The following PRDM2 variants were observed in gnomAD, a reference collection of about 807,000 sequenced individuals.
The protein encoded by PRDM2 is PR domain zinc finger protein 2.
In PRDM2, 30 loss-of-function variants were observed where a neutral mutation model predicts 130.0. That is an observed-to-expected ratio of 0.23 (90% confidence interval 0.17 to 0.31). PRDM2 has a LOEUF of 0.31. Among genes scored for constraint, PRDM2 ranks in the 10% least tolerant of loss-of-function variants. The pLI, the probability that PRDM2 is intolerant of heterozygous loss-of-function variation, is 1.00. For synonymous variants in PRDM2, 871 were observed against 782.4 expected (o/e 1.11, Z -1.89); for missense variants, 2,011 against 2,108.4 (o/e 0.95, Z 0.90).
chr1:13,787,068 C>T (rs866852225), intron 8 of PRDM2: 2 of 985,150 alleles, frequency 2.0e-6, no homozygotes, highest in Admixed American at 6.2e-5. Flanking sequence ...TTGTTGTTTT[C>T]GTTTTTTTAA....
intron 1 of PRDM2, among the ~76,000 whole-genome samples, chr1:13,711,129 A>G (rs1642358035): frequency 6.6e-6 from 1 of 151,140 alleles, no homozygotes; most frequent in Non-Finnish European, 1.5e-5. Context: ...CTAAGGTTTC[A>G]GTGATACGCT....
At position 13,778,824 on chromosome 1, in the gene PRDM2, C is replaced by A. The variant is rs764182914; in HGVS notation, c.1029C>A (p.Ile343=). 6.2e-7 allele frequency: 1 copy of A among 1,614,140 alleles called. No individual in the cohort carries two copies. The highest frequency in any genetic ancestry group is 8.5e-7 in the Non-Finnish European group (1 of 1,180,020). ...DCSEVTPAMQ[I]PRTKEEANGD... ...CAGAGGTAACACCTGCCATGCAAAT[C>A]CCCAGAACTAAAGAAGAGGCCAATG... The change falls in exon 8 of 10, where the codon ATC becomes ATA. Residue 343 remains isoleucine, a synonymous_variant. Coordinates refer to ENST00000311066, the MANE Select transcript of PRDM2 (RefSeq NM_001393986.1).
At chr1:13,750,875 T>C (rs1018020560) in intron 6 of PRDM2, among the ~76,000 whole-genome samples, 3 of 152,166 alleles carry the variant, frequency 2.0e-5, no homozygotes, top group African/African-American at 7.2e-5. Context: ...GTAATTCAAC[T>C]TGTTTCTTTA....
At chr1:13,769,487 G>T (rs940868884) in intron 6 of PRDM2, among the ~76,000 whole-genome samples, 1 of 152,112 alleles carries the variant, frequency 6.6e-6, no homozygotes, top group Non-Finnish European at 1.5e-5. Flanking sequence ...CCCCTCTGGC[G>T]CTGGCCTTCA....
At chr1:13,796,534 T>C (rs1644925097) in intron 8 of PRDM2, among the ~76,000 whole-genome samples, 1 of 152,094 alleles carries the variant, frequency 6.6e-6, no homozygotes, top group Non-Finnish European at 1.5e-5. Context: ...GGCGGGAGGA[T>C]CATTTGAACT....
intron 6 of PRDM2, among the ~76,000 whole-genome samples, chr1:13,762,581 C>T (rs1459141814): frequency 6.6e-6 from 1 of 152,180 alleles, no homozygotes; most frequent in East Asian, 1.9e-4. Flanking sequence ...AGCCTTCCTC[C>T]CAGGCTCAGT....
At chr1:13,810,294 T>TTTCCCGC (rs1490569191) in intron 8 of PRDM2, among the ~76,000 whole-genome samples, 2 of 152,198 alleles carry the variant, frequency 1.3e-5, no homozygotes, top group Non-Finnish European at 2.9e-5. Flanking sequence ...CTTGCCCTCC[T>TTTCCCGC]TTCCCGCTTC....
At chr1:13,762,033 C>T (rs566353903) in intron 6 of PRDM2, among the ~76,000 whole-genome samples, 1 of 152,352 alleles carries the variant, frequency 6.6e-6, no homozygotes, top group South Asian at 2.1e-4. Context: ...CATATGCCGA[C>T]AATTTAGATT....
At chr1:13,799,013 C>T (rs1392332704) in intron 8 of PRDM2, among the ~76,000 whole-genome samples, 1 of 152,174 alleles carries the variant, frequency 6.6e-6, no homozygotes, top group Non-Finnish European at 1.5e-5. Context: ...TGAGTCAGAG[C>T]TGCTGGGTAA....
Position 13,809,369 on chromosome 1 carries a change from G to A in PRDM2, c.5037-7058G>A, listed in dbSNP as rs75256330. Among the ~76,000 whole-genome samples, 971 of 152,314 alleles carry A rather than the reference G, an allele frequency of 6.4e-3. 3 individuals carry two copies. Among genetic ancestry groups the A allele is most frequent in the Non-Finnish European group, 1.0e-2 (680 of 68,030 alleles). On this transcript the variant is annotated intron_variant, in intron 8 of 9. Coordinates refer to ENST00000311066, the MANE Select transcript of PRDM2 (RefSeq NM_001393986.1). Reference sequence around the variant, plus strand: ...CGAGAGGTGGTCCCCGACAGTGGTAGAAGAGGAAGGAAGGCGGACTCGATG... The same window carrying A: ...CGAGAGGTGGTCCCCGACAGTGGTAAAAGAGGAAGGAAGGCGGACTCGATG...
At chr1:13,709,246 C>CA in intron 1 of PRDM2, among the ~76,000 whole-genome samples, 1 of 151,062 alleles carries the variant, frequency 6.6e-6, no homozygotes, top group East Asian at 1.9e-4. Flanking sequence ...ATTCAAGGAA[C>CA]AAATTAAATT....
intron 1 of PRDM2, among the ~76,000 whole-genome samples, chr1:13,711,889 T>C (rs1023709194): frequency 6.6e-6 from 1 of 152,132 alleles, no homozygotes; most frequent in Non-Finnish European, 1.5e-5. Flanking sequence ...TGATCTTTCT[T>C]TTCTCTGGAA....
chr1:13,758,936 A>G (rs12742696), intron 6 of PRDM2, among the ~76,000 whole-genome samples: 1 of 152,192 alleles, frequency 6.6e-6, no homozygotes, highest in African/African-American at 2.4e-5. Context: ...TATAAAAATA[A>G]CAGTTTATAA....
At position 13,779,721 on chromosome 1, in the gene PRDM2, G is replaced by A. The variant is rs773247554; in HGVS notation, c.1926G>A (p.Ala642=). ...GTGAGGCCAAGAAGCGGAGAACTGCGAGCCCACCTGCACTGCCCAAAATTA... is the reference window on the plus strand; with the variant it reads ...GTGAGGCCAAGAAGCGGAGAACTGCAAGCCCACCTGCACTGCCCAAAATTA... ...TNSEAKKRRT[A]SPPALPKIKA... The change falls in exon 8 of 10, where the codon GCG becomes GCA. Residue 642 remains alanine, a synonymous_variant. Coordinates refer to ENST00000311066, the MANE Select transcript of PRDM2 (RefSeq NM_001393986.1). The surrounding 1 kb of genome is among the most constrained non-coding windows in gnomAD (Gnocchi z 4.9). 5.6e-6 allele frequency: 9 copies of A among 1,613,880 alleles called. No individual in the cohort carries two copies. Among genetic ancestry groups the A allele is most frequent in the Non-Finnish European group, 5.1e-6 (6 of 1,180,026 alleles).
At chr1:13,816,243 C>T (rs918949587) in intron 8 of PRDM2, among the ~76,000 whole-genome samples, 184 bp from the exon 9 acceptor site, 2 of 152,156 alleles carry the variant, frequency 1.3e-5, no homozygotes, top group Admixed American at 1.3e-4. Flanking sequence ...GAGAAGTGCA[C>T]ATTGGTGGTT....
Position 13,803,728 on chromosome 1 carries a change from C to T in PRDM2, c.5037-12699C>T, listed in dbSNP as rs975646534. ...TTCCCCGCGGGCAGGTTCTCCGGGC[C>T]GAGGTCACTGCAGGCCAGGCCGGGC... On this transcript the variant is annotated intron_variant, in intron 8 of 9. Coordinates refer to ENST00000311066, the MANE Select transcript of PRDM2 (RefSeq NM_001393986.1). This position sits in a 1 kb window ranked among gnomAD's most constrained non-coding sequence, Gnocchi z 6.2. Among the ~76,000 whole-genome samples, 7 of 152,194 alleles carry T rather than the reference C, an allele frequency of 4.6e-5. No individual in the cohort carries two copies. The highest frequency in any genetic ancestry group is 1.4e-4 in the African/African-American group (6 of 41,450).
At chr1:13,792,844 G>A (rs11581840) in intron 8 of PRDM2, among the ~76,000 whole-genome samples, 7,902 of 152,214 alleles carry the variant, frequency 0.052, 294 homozygotes, top group Middle Eastern at 0.15. Context: ...CACATCTGAC[G>A]GAGATGGTAT....
chr1:13,769,815 C>T (rs1644317035), intron 6 of PRDM2, among the ~76,000 whole-genome samples: 1 of 152,110 alleles, frequency 6.6e-6, no homozygotes. Context: ...CATGTATAGA[C>T]CGTCGAGTGT....
chr1:13,778,579 G>C lies in PRDM2; in HGVS notation c.784G>C (p.Glu262Gln). ...CGAGCGATTAGAAGCGGCAGCTTGT[G>C]AGGTGAATGATTTGGGGGAAGAGGA... The part of the protein sequence containing the change: ...PDERLEAAAC[E>Q]VNDLGEEEEE... The change falls in exon 8 of 10, where the codon GAG (glutamate) becomes CAG (glutamine). Residue 262 changes from glutamate to glutamine, a missense_variant. Around this residue, in one of 5 missense-constraint regions of PRDM2, gnomAD observed 1,288 missense variants for 1,237.7 expected, o/e 1.04. Transcript: ENST00000311066. 6.2e-7 allele frequency: 1 copy of C among 1,614,180 alleles called. No individual in the cohort carries two copies.
Sources: allele counts gnomAD v4.1 joint callset (sites outside exome capture counted in the v4.1 genomes callset), GRCh38; gene constraint gnomAD v4.1.1; regional missense constraint gnomAD v4.1.1; non-coding constraint Gnocchi (gnomAD v3.1); transcripts MANE v1.5; gene names NCBI Gene and HGNC (gene_info 2026-07-23, HGNC 2026-07-21).